Variants in FAM133A observed in about 807,000 individuals in gnomAD.
The protein encoded by FAM133A is protein FAM133A.
For missense variants in FAM133A, 159 were observed against 164.4 expected (o/e 0.97, Z 0.18); for synonymous variants, 65 against 58.6 (o/e 1.11, Z -0.50).
chrX:93,690,470 C>T (rs907060113), intron 2 of FAM133A, among the ~76,000 whole-genome samples: 31 of 111,471 alleles, frequency 2.8e-4, no homozygotes, highest in African/African-American at 8.8e-4. Flanking sequence ...TAAATAGAAT[C>T]ATACAGTATA....
At chrX:93,702,681 T>A in intron 3 of FAM133A, among the ~76,000 whole-genome samples, 1 of 107,993 alleles carries the variant, frequency 9.3e-6, no homozygotes. Flanking sequence ...AATCTTAGAG[T>A]GGAGAAAACT....
chrX:93,680,765 T>C (rs1429248643), intron 2 of FAM133A, among the ~76,000 whole-genome samples: 2 of 111,889 alleles, frequency 1.8e-5, no homozygotes, highest in Non-Finnish European at 3.8e-5. Context: ...TCTTCAGATC[T>C]TTTACTCATT....
chrX:93,693,904 C>T (rs1371049332), intron 2 of FAM133A, among the ~76,000 whole-genome samples: 1 of 110,973 alleles, frequency 9.0e-6, no homozygotes, highest in Admixed American at 9.6e-5. Context: ...TAAAGAATTA[C>T]CTAGATAATA....
At chrX:93,681,448 A>C (rs1216244249) in intron 2 of FAM133A, among the ~76,000 whole-genome samples, 2 of 111,512 alleles carry the variant, frequency 1.8e-5, no homozygotes, top group Admixed American at 1.9e-4. Flanking sequence ...TCCTCTCAGA[A>C]AAAAAGTAGT....
chrX:93,676,926 C>CTT (rs58826696), intron 2 of FAM133A, among the ~76,000 whole-genome samples: 1 of 101,079 alleles, frequency 9.9e-6, no homozygotes, highest in East Asian at 3.1e-4. Context: ...TTTTTGTAGC[C>CTT]TTTTTTTTTT....
chrX:93,709,898 AAAAG>A lies in FAM133A; in HGVS notation c.482_485del (p.Lys161SerfsTer12). Reference sequence around the variant, plus strand: ...GAGAGCAAGGAGTCTGTAAAAAAGAAAAAGAAGTCAAAGGATGAAACAGAGAAAG... The same window carrying A: ...GAGAGCAAGGAGTCTGTAAAAAAGAAAAGTCAAAGGATGAAACAGAGAAAG... On this transcript the variant is annotated frameshift_variant, in exon 4 of 4. Transcript: ENST00000683942. LOFTEE classifies it low-confidence loss of function (END_TRUNC). 8.4e-7 allele frequency: 1 copy of A among 1,196,888 alleles called. No homozygotes were observed.
In FAM133A at chrX:93,710,022, A is replaced by G; in HGVS notation, c.603A>G (p.Glu201=). 8.3e-7 allele frequency: 1 copy of G among 1,205,844 alleles called. No individual in the cohort carries two copies. Among genetic ancestry groups the G allele is most frequent in the Non-Finnish European group, 1.1e-6 (1 of 892,789 alleles). The part of the protein sequence containing the change: ...SSESSSESDY[E]EDVQAKKKRR... ...AGTCCTCATCTGAATCAGATTATGA[A>G]GAGGATGTGCAAGCAAAAAAGAAGA... The change falls in exon 4 of 4, where the codon GAA becomes GAG. Residue 201 remains glutamate, a synonymous_variant. Transcript: ENST00000683942.
In FAM133A at chrX:93,710,341, C is replaced by A; in HGVS notation, c.*175C>A. The A allele has an allele frequency of 2.4e-6, 1 of 418,229 alleles. No individual in the cohort carries two copies. The highest frequency in any genetic ancestry group is 9.3e-5 in the South Asian group (1 of 10,731). 34.5% of individuals were successfully genotyped at this position (418,229 alleles called of 1,213,427 possible). ...TTGTCCTTCCTTCTAATGGTTAATT[C>A]CTCTGAGAGCTAAAATTCTGTTGTC... is the stretch of plus-strand genomic sequence containing the variant. On this transcript the variant is annotated 3_prime_UTR_variant, in exon 4 of 4. Coordinates refer to ENST00000683942, the MANE Select transcript of FAM133A (RefSeq NM_001171109.2).
At chrX:93,706,552 A>T (rs1370411708) in intron 3 of FAM133A, among the ~76,000 whole-genome samples, 2 of 111,803 alleles carry the variant, frequency 1.8e-5, no homozygotes, top group Non-Finnish European at 3.8e-5. Flanking sequence ...CCTCTTTCTT[A>T]CATGGATAAT....
At chrX:93,684,217 C>A (rs970052518) in intron 2 of FAM133A, among the ~76,000 whole-genome samples, 2 of 111,509 alleles carry the variant, frequency 1.8e-5, no homozygotes, top group African/African-American at 6.5e-5. Context: ...AGTTTTCTGC[C>A]TATGGTTATC....
At chrX:93,704,288 G>A (rs1926905418) in intron 3 of FAM133A, among the ~76,000 whole-genome samples, 1 of 111,891 alleles carries the variant, frequency 8.9e-6, no homozygotes. Flanking sequence ...ATTGTTATAT[G>A]TGAAGATTAT....
At position 93,711,309 on chromosome X, in the gene FAM133A, T is replaced by G. The variant is rs1182872781; in HGVS notation, c.*1143T>G. The G allele has an allele frequency of 8.2e-6, 1 of 122,232 alleles. No individual in the cohort carries two copies. The highest frequency in any genetic ancestry group is 2.8e-4 in the East Asian group (1 of 3,541). 10.1% of individuals were successfully genotyped at this position (122,232 alleles called of 1,213,427 possible). On this transcript the variant is annotated 3_prime_UTR_variant, in exon 4 of 4. Coordinates refer to ENST00000683942, the MANE Select transcript of FAM133A (RefSeq NM_001171109.2). Reference sequence around the variant, plus strand: ...TGCCAAAATCTTAGTAAGATTGTTGTTGAAAAGATTGTTGTCTTAAGCATT... The same window carrying G: ...TGCCAAAATCTTAGTAAGATTGTTGGTGAAAAGATTGTTGTCTTAAGCATT...
Position 93,678,582 on chromosome X carries a change from AT to A in FAM133A, c.-193+3838del, listed in dbSNP as rs1032647073. Among the ~76,000 whole-genome samples, 8 of 110,786 alleles carry A rather than the reference AT, an allele frequency of 7.2e-5. No homozygotes were observed. The South Asian group carries it at 1.5e-3, about 21-fold the overall frequency. ...CCCAAAGTCACAATTATTTTCTTCC[AT>A]TTTTTTTAAGTTTTATACTTTTAGG... On this transcript the variant is annotated intron_variant, in intron 2 of 3. Coordinates refer to ENST00000683942, the MANE Select transcript of FAM133A (RefSeq NM_001171109.2).
intron 2 of FAM133A, among the ~76,000 whole-genome samples, chrX:93,675,260 T>C (rs1924601653): frequency 1.8e-5 from 2 of 111,952 alleles, no homozygotes; most frequent in South Asian, 7.4e-4. Flanking sequence ...ATGCACTTCC[T>C]TCCAGAAATT....
chrX:93,674,322 ATAT>A (rs1924513754), intron 1 of FAM133A, 48 bp downstream of exon 1: 1 of 111,791 alleles, frequency 8.9e-6, no homozygotes, highest in Non-Finnish European at 1.9e-5. Flanking sequence ...TTAGGCTGGC[ATAT>A]TATATACCCC....
At chrX:93,699,993 T>C (rs777674428) in intron 3 of FAM133A, among the ~76,000 whole-genome samples, 1 of 110,945 alleles carries the variant, frequency 9.0e-6, no homozygotes, top group South Asian at 3.8e-4. Context: ...GCCATCATCT[T>C]AATCTAATTT....
In FAM133A at chrX:93,704,671, A is replaced by G. The variant is rs908210509; in HGVS notation, c.-103-4646A>G. 1.6e-4 allele frequency among the ~76,000 whole-genome samples: 18 copies of G among 112,182 alleles called. No homozygotes were observed. The Admixed American group carries it at 1.7e-3, about 11-fold the overall frequency. On this transcript the variant is annotated intron_variant, in intron 3 of 3. Transcript: ENST00000683942. ...TAGTGATATTTGTGGTAGAAACTAC[A>G]TTGTGAAACATTTAAATATCTTTTC...
chrX:93,681,728 C>A (rs1925171252), intron 2 of FAM133A, among the ~76,000 whole-genome samples: 1 of 111,723 alleles, frequency 9.0e-6, no homozygotes, highest in Non-Finnish European at 1.9e-5. Flanking sequence ...CAGGTGTAAA[C>A]AAAATTTTAA....
At chrX:93,673,789 C>T (rs1369308776), upstream of FAM133A, among the ~76,000 whole-genome samples, 1 of 108,677 alleles carries the variant, frequency 9.2e-6, no homozygotes, top group African/African-American at 3.4e-5. Flanking sequence ...TGAGGTGCGA[C>T]CCCTTGGAAG....
Sources: gnomAD v4.1 joint callset for allele counts (sites outside exome capture counted in the v4.1 genomes callset) on GRCh38, gnomAD v4.1.1 for gene constraint, MANE v1.5 for transcripts, NCBI Gene and HGNC (gene_info 2026-07-23, HGNC 2026-07-21) for gene names.